The following DNAJC5 variants were observed in gnomAD, a reference collection of about 807,000 sequenced individuals.
DNAJC5 encodes the protein dnaJ homolog subfamily C member 5.
DNAJC5 carries 1 observed loss-of-function variant against 23.2 expected under a neutral mutation model. The ratio of observed to expected loss-of-function variants is 0.04; its 90% CI spans 0.02 to 0.20. The LOEUF (loss-of-function observed/expected upper bound fraction) is 0.20. Ranked by LOEUF, DNAJC5 falls within the 10% of genes least tolerant of loss-of-function variation. DNAJC5 has a pLI of 1.00. For missense variants in DNAJC5, 180 were observed against 267.0 expected, an observed-to-expected ratio of 0.67 and a Z score of 2.27; for synonymous variants, 136 against 120.0, an observed-to-expected ratio of 1.13 and a Z score of -0.87.
Position 63,931,417 on chromosome 20 carries a change from G to A in DNAJC5, c.494-48G>A, listed in dbSNP as rs560522335. 33 of 1,507,282 alleles carry A rather than the reference G, an allele frequency of 2.2e-5. No individual in the cohort carries two copies. The highest frequency in any genetic ancestry group is 2.1e-4 in the African/African-American group (15 of 72,526). 93.4% of individuals were successfully genotyped at this position (1,507,282 alleles called of 1,614,324 possible). A position where few individuals can be genotyped will look rare whatever the true frequency, so the allele number is the denominator to read the frequency against. ...GCTCCACAGGACCAGCGTTGGGTGC[G>A]CGCCAGGCTGTGGCCCTCGTGCAGT... On this transcript the variant is annotated intron_variant, in intron 4 of 4. Coordinates refer to ENST00000360864, the MANE Select transcript of DNAJC5 (RefSeq NM_025219.3). The surrounding 1 kb of genome is among the most constrained non-coding windows in gnomAD (Gnocchi z 9.6).
chr20:63,912,278 G>C (rs2053487172), intron 1 of DNAJC5, among the ~76,000 whole-genome samples: 1 of 151,292 alleles, frequency 6.6e-6, no homozygotes, highest in Non-Finnish European at 1.5e-5. Context: ...ACTCCAGCGT[G>C]GGCGACAGAG....
intron 1 of DNAJC5, among the ~76,000 whole-genome samples, chr20:63,905,635 T>C (rs1200976126): frequency 6.6e-6 from 1 of 151,158 alleles, no homozygotes; most frequent in Non-Finnish European, 1.5e-5. Flanking sequence ...TGATGTGATC[T>C]CAGCTCTCAC....
chr20:63,899,847 C>T (rs1166413728), intron 1 of DNAJC5, among the ~76,000 whole-genome samples: 2 of 145,878 alleles, frequency 1.4e-5, no homozygotes, highest in African/African-American at 2.5e-5. Flanking sequence ...TCCCAAAGTG[C>T]TGGGATTGCA....
At chr20:63,903,654 T>C (rs182106257) in intron 1 of DNAJC5, among the ~76,000 whole-genome samples, 173 of 152,112 alleles carry the variant, frequency 1.1e-3, no homozygotes, top group African/African-American at 4.0e-3. Context: ...TTTTAAAAAA[T>C]TAAAAACATT....
chr20:63,929,546 G>A lies in DNAJC5; in HGVS notation c.321+21G>A, dbSNP rs759202388. 83 of 1,610,670 alleles carry A rather than the reference G, an allele frequency of 5.2e-5. No individual in the cohort carries two copies. In the Admixed American group the frequency reaches 7.2e-4, roughly 14 times the overall value. On this transcript the variant is annotated intron_variant, in intron 3 of 4. Coordinates refer to ENST00000360864, the MANE Select transcript of DNAJC5 (RefSeq NM_025219.3). This position sits in a 1 kb window ranked among gnomAD's most constrained non-coding sequence, Gnocchi z 8.6. ...CCAAGGTGAGGGCGAGCTGCCTGCC[G>A]TGCGGGCACCCGAGTCACTCCTGCC...
chr20:63,900,612 T>C (rs2053405720), intron 1 of DNAJC5, among the ~76,000 whole-genome samples: 1 of 150,468 alleles, frequency 6.6e-6, no homozygotes, highest in Non-Finnish European at 1.5e-5. Flanking sequence ...AAGTTCTGTA[T>C]TGATCAATAA....
chr20:63,930,828 A>T lies in DNAJC5; in HGVS notation c.322-23A>T, dbSNP rs376272065. On this transcript the variant is annotated intron_variant, in intron 3 of 4. Transcript: ENST00000360864. ...CTCCAGGGGCCTCGGAGGCCATGCA[A>T]CACCACCTTCTTCTCCCCCCAGGCC... The T allele has an allele frequency of 9.2e-5, 148 of 1,611,440 alleles. No homozygotes were observed. In the African/African-American group the frequency reaches 1.8e-3, roughly 19 times the overall value.
chr20:63,926,475 A>G (rs2053617226), intron 1 of DNAJC5, among the ~76,000 whole-genome samples: 1 of 152,196 alleles, frequency 6.6e-6, no homozygotes, highest in African/African-American at 2.4e-5. Context: ...TTAGGCCTTG[A>G]TTAACGTGTT....
chr20:63,900,853 A>G (rs1235690485), intron 1 of DNAJC5, among the ~76,000 whole-genome samples: 2 of 152,212 alleles, frequency 1.3e-5, no homozygotes, highest in South Asian at 4.1e-4. Flanking sequence ...TCATGGGTTT[A>G]TAATTGTATT....
In DNAJC5 at chr20:63,933,886, T is replaced by G. The variant is rs1008907349; in HGVS notation, c.*2318T>G. On this transcript the variant is annotated 3_prime_UTR_variant, in exon 5 of 5. Coordinates refer to ENST00000360864, the MANE Select transcript of DNAJC5 (RefSeq NM_025219.3). Reference sequence around the variant, plus strand: ...CCATCAGAGTGGGCCCCTTGCCAGGTGGCTTTTCAGTTACAGAGTCCAGTG... The same window carrying G: ...CCATCAGAGTGGGCCCCTTGCCAGGGGGCTTTTCAGTTACAGAGTCCAGTG... 2.6e-5 allele frequency: 4 copies of G among 152,404 alleles called. No individual in the cohort carries two copies. The highest frequency in any genetic ancestry group is 3.2e-3 in the Middle Eastern group (1 of 316). The allele number at this position is 152,404 out of a possible 1,614,324, so 9.4% of individuals were successfully genotyped here. A position where few individuals can be genotyped will look rare whatever the true frequency, so the allele number is the denominator to read the frequency against.
chr20:63,925,825 G>GTTTT (rs376376541), intron 1 of DNAJC5, among the ~76,000 whole-genome samples: 6 of 123,972 alleles, frequency 4.8e-5, no homozygotes, highest in Non-Finnish European at 8.1e-5. Context: ...ATTTTATCTG[G>GTTTT]TTTTTTTTTT....
chr20:63,924,120 C>T (rs554082577), intron 1 of DNAJC5, among the ~76,000 whole-genome samples: 27 of 152,054 alleles, frequency 1.8e-4, no homozygotes, highest in Non-Finnish European at 3.8e-4. Context: ...AGGGTAAATT[C>T]TCTAACTTTT....
intron 1 of DNAJC5, among the ~76,000 whole-genome samples, chr20:63,908,766 C>T (rs1358901387): frequency 6.6e-6 from 1 of 152,114 alleles, no homozygotes; most frequent in African/African-American, 2.4e-5. Context: ...CACCATTGCA[C>T]CCCAGCCTGG....
rs34480128 is a variant in DNAJC5 at position 63,910,672 on chromosome 20, T to TTTGA, written c.-12+15351_-12+15352insGATT. The stretch of plus-strand genomic sequence containing the variant: ...TCCAAGTAATAGGGTTTTGAGAATG[T>TTTGA]TTTTTTTTTTTTTTAATTGAGACAG... On this transcript the variant is annotated intron_variant, in intron 1 of 4. Transcript: ENST00000360864. 6.3e-4 allele frequency among the ~76,000 whole-genome samples: 40 copies of TTTGA among 63,332 alleles called. 1 individual carries two copies. Among genetic ancestry groups the TTTGA allele is most frequent in the African/African-American group, 8.3e-4 (8 of 9,682 alleles). 41.5% of individuals were successfully genotyped at this position (63,332 alleles called of 152,430 possible).
At chr20:63,910,595 C>T (rs556920927) in intron 1 of DNAJC5, among the ~76,000 whole-genome samples, 1 of 151,720 alleles carries the variant, frequency 6.6e-6, no homozygotes, top group Admixed American at 6.6e-5. Context: ...CCCGAGGTAC[C>T]TGGGTGCCCG....
At chr20:63,913,325 G>A (rs536434197) in intron 1 of DNAJC5, among the ~76,000 whole-genome samples, 2 of 151,976 alleles carry the variant, frequency 1.3e-5, no homozygotes, top group African/African-American at 2.4e-5. Flanking sequence ...CTCCTCAGAC[G>A]TCATCTGTTC....
At chr20:63,911,199 T>G (rs904912690) in intron 1 of DNAJC5, among the ~76,000 whole-genome samples, 2 of 152,120 alleles carry the variant, frequency 1.3e-5, no homozygotes, top group Non-Finnish European at 2.9e-5. Flanking sequence ...GGCTTCAGCA[T>G]GTGGGGTTTG....
chr20:63,931,864 C>A lies in DNAJC5; in HGVS notation c.*296C>A, dbSNP rs989554089. 2.3e-6 allele frequency: 1 copy of A among 441,546 alleles called. No individual in the cohort carries two copies. The highest frequency in any genetic ancestry group is 4.3e-6 in the Non-Finnish European group (1 of 235,264). The allele number at this position is 441,546 out of a possible 1,614,324, so 27.4% of individuals were successfully genotyped here. On this transcript the variant is annotated 3_prime_UTR_variant, in exon 5 of 5. Coordinates refer to ENST00000360864, the MANE Select transcript of DNAJC5 (RefSeq NM_025219.3). The surrounding 1 kb of genome is among the most constrained non-coding windows in gnomAD (Gnocchi z 9.6). ...TTCCGCGGCATGACCGCGTGAACTG[C>A]ACGGTGGAGCTGCCTCAGGGCTGTC...
At chr20:63,902,673 TTG>T (rs2053421802) in intron 1 of DNAJC5, among the ~76,000 whole-genome samples, 2 of 92,086 alleles carry the variant, frequency 2.2e-5, no homozygotes, top group Non-Finnish European at 5.1e-5. Flanking sequence ...TGGCCTCATC[TTG>T]TTTTTTTTTT....
Sources: allele counts gnomAD v4.1 joint callset (sites outside exome capture counted in the v4.1 genomes callset), GRCh38; gene constraint gnomAD v4.1.1; non-coding constraint Gnocchi (gnomAD v3.1); transcripts MANE v1.5; gene names NCBI Gene and HGNC (gene_info 2026-07-23, HGNC 2026-07-21).